The following CKAP2L variants were observed in gnomAD, a reference collection of about 807,000 sequenced individuals.
CKAP2L encodes cytoskeleton-associated protein 2-like.
A neutral mutation model predicts 65.7 loss-of-function variants in CKAP2L; 42 were observed. That is an observed-to-expected ratio of 0.64 (90% confidence interval 0.50 to 0.83). The LOEUF (loss-of-function observed/expected upper bound fraction) is 0.83. Ranked by LOEUF, CKAP2L falls within the 40% of genes least tolerant of loss-of-function variation. The probability of loss-of-function intolerance (pLI) is 0.00; values close to 1 mark genes in which losing one functional copy is unlikely to be tolerated. For missense variants in CKAP2L, 908 were observed against 871.0 expected, an observed-to-expected ratio of 1.04 and a Z score of -0.53; for synonymous variants, 325 against 313.5, an observed-to-expected ratio of 1.04 and a Z score of -0.39.
At chr2:112,758,892 C>T (rs1010249702) in intron 3 of CKAP2L, among the ~76,000 whole-genome samples, 1 of 152,132 alleles carries the variant, frequency 6.6e-6, no homozygotes, top group African/African-American at 2.4e-5. Context: ...GGCAGTCACT[C>T]CCCATTTTCT....
intron 2 of CKAP2L, among the ~76,000 whole-genome samples, chr2:112,761,711 G>C (rs1680729000): frequency 6.6e-6 from 1 of 152,158 alleles, no homozygotes; most frequent in African/African-American, 2.4e-5. Flanking sequence ...TTTGATGTTT[G>C]TCTCTCCCAT....
intron 2 of CKAP2L, among the ~76,000 whole-genome samples, chr2:112,762,241 A>G (rs985026258): frequency 2.6e-4 from 40 of 152,268 alleles, no homozygotes; most frequent in African/African-American, 9.6e-4. Flanking sequence ...CAAAGCTTCC[A>G]GCATGGTAGG....
At chr2:112,761,291 G>T (rs13382217) in intron 2 of CKAP2L, among the ~76,000 whole-genome samples, 90,302 of 151,298 alleles carry the variant, frequency 0.6, 29,301 homozygotes, top group African/African-American at 0.88. Context: ...AAACCCCATC[G>T]CTACTAAAAA....
chr2:112,764,590 C>G lies in CKAP2L; in HGVS notation c.9G>C (p.Gly3=). MV[G]PGPTAAAAVE... is the part of the protein sequence containing the mutation. ...CAGCGGCAGCAGCGGTAGGCCCGGGCCCCACCATGACTCTTCAGTGACAGT... is the reference window on the plus strand; with the variant it reads ...CAGCGGCAGCAGCGGTAGGCCCGGGGCCCACCATGACTCTTCAGTGACAGT... Residue 3 remains glycine (G), a synonymous_variant, in exon 1 of 9, where the codon GGG becomes GGC. Coordinates refer to ENST00000302450, the MANE Select transcript of CKAP2L (RefSeq NM_152515.5). 1.2e-6 allele frequency: 2 copies of G among 1,614,150 alleles called. No individual in the cohort carries two copies. Among genetic ancestry groups the G allele is most frequent in the South Asian group, 2.2e-5 (2 of 91,080 alleles).
chr2:112,746,349 T>G, intron 6 of CKAP2L, 71 bp downstream of exon 6: 2 of 1,331,402 alleles, frequency 1.5e-6, no homozygotes, highest in Non-Finnish European at 2.1e-6. Context: ...AACCATCATA[T>G]TACAAACAAC....
At chr2:112,750,269 T>C (rs957149427) in intron 5 of CKAP2L, among the ~76,000 whole-genome samples, 1 of 152,222 alleles carries the variant, frequency 6.6e-6, no homozygotes, top group Non-Finnish European at 1.5e-5. Flanking sequence ...GCACCCACAC[T>C]CCTTCTGATC....
At position 112,762,598 on chromosome 2, in the gene CKAP2L, A is replaced by G. The variant is rs190039300; in HGVS notation, c.38-29T>C. The G allele has an allele frequency of 1.4e-5, 22 of 1,575,426 alleles. No homozygotes were observed. In the South Asian group the frequency reaches 1.4e-4, roughly 10 times the overall value. On this transcript the variant is annotated intron_variant, in intron 1 of 8. Transcript: ENST00000302450. ...CAACACAGGCAAGCAAACAAACGAC[A>G]TAACTTTAGTTCAAGATTTTAACCA...
chr2:112,746,302 A>C, intron 6 of CKAP2L, 118 bp downstream of exon 6: 1 of 708,182 alleles, frequency 1.4e-6, no homozygotes, highest in South Asian at 3.6e-5. Context: ...GTAAGGTATG[A>C]CTTTATAAGT....
chr2:112,747,662 A>G (rs904014352), intron 5 of CKAP2L, among the ~76,000 whole-genome samples: 1 of 152,232 alleles, frequency 6.6e-6, no homozygotes, highest in African/African-American at 2.4e-5. Flanking sequence ...ATGCCCAGAA[A>G]TCCAGGTACT....
chr2:112,743,175 T>TA (rs1680076757), intron 6 of CKAP2L, among the ~76,000 whole-genome samples: 1 of 152,156 alleles, frequency 6.6e-6, no homozygotes, highest in African/African-American at 2.4e-5. Context: ...GACAGAGTCT[T>TA]ACTCTGTCCC....
At chr2:112,748,871 A>G (rs1680284939) in intron 5 of CKAP2L, among the ~76,000 whole-genome samples, 1 of 152,114 alleles carries the variant, frequency 6.6e-6, no homozygotes, top group Admixed American at 6.6e-5. Context: ...TCTCTTAAAA[A>G]AAAAAAAAAA....
chr2:112,751,158 T>C (rs1258248745), intron 5 of CKAP2L, among the ~76,000 whole-genome samples: 2 of 152,078 alleles, frequency 1.3e-5, no homozygotes, highest in African/African-American at 4.8e-5. Context: ...CTTCAAAAAA[T>C]AAAAATAATT....
intron 5 of CKAP2L, among the ~76,000 whole-genome samples, chr2:112,747,856 C>T (rs1026694847): frequency 5.9e-5 from 9 of 152,216 alleles, no homozygotes; most frequent in African/African-American, 2.2e-4. Flanking sequence ...CAGTCAATAT[C>T]TTCAGAGTGA....
At chr2:112,754,156 A>G (rs774244799) in intron 4 of CKAP2L, among the ~76,000 whole-genome samples, 2 of 152,202 alleles carry the variant, frequency 1.3e-5, no homozygotes, top group Non-Finnish European at 2.9e-5. Flanking sequence ...TGGTTGCAAC[A>G]CTATCACTAA....
chr2:112,752,901 G>T (rs1043266116), intron 4 of CKAP2L, among the ~76,000 whole-genome samples: 1 of 152,070 alleles, frequency 6.6e-6, no homozygotes, highest in Non-Finnish European at 1.5e-5. Flanking sequence ...ATAAGGTCTT[G>T]GTGTGTAAAC....
At chr2:112,746,188 T>C (rs527354803) in intron 6 of CKAP2L, among the ~76,000 whole-genome samples, 1 of 152,288 alleles carries the variant, frequency 6.6e-6, no homozygotes, top group South Asian at 2.1e-4. Flanking sequence ...ATATAGTTTT[T>C]TTTTCTAAAT....
intron 4 of CKAP2L, 36 bp downstream of exon 4, chr2:112,755,941 C>T (rs754481719): frequency 1.3e-6 from 2 of 1,519,918 alleles, no homozygotes; most frequent in African/African-American, 2.8e-5. Flanking sequence ...GCCTAATCAT[C>T]TTAAGTTGCA....
chr2:112,754,836 TTC>T (rs1680482484), intron 4 of CKAP2L, among the ~76,000 whole-genome samples: 3 of 152,360 alleles, frequency 2.0e-5, no homozygotes, highest in Middle Eastern at 3.4e-3. Context: ...CTGCACTCAC[TTC>T]TCTTTCTGCT....
rs727502805 is a variant in CKAP2L, at chr2:112,756,815, CTT to C, written c.554_555del (p.Lys185ArgfsTer11). 15 of 1,602,266 alleles carry C rather than the reference CTT, an allele frequency of 9.4e-6. No homozygotes were observed. Among genetic ancestry groups the C allele is most frequent in the Admixed American group, 1.8e-5 (1 of 56,804 alleles). ...TCTGTTAAGATATCGAGCAAGTTCT[CTT>C]TGTTTGTTTCTTTTAGAAAGTTATC... is the stretch of plus-strand genomic sequence containing the variant. ...SLDNFLKETNKENLLDILTEP... is the reference protein window; with the variant it reads ...SLDNFLKETNXENLLDILTEP... On this transcript the variant is annotated frameshift_variant, in exon 4 of 9. Coordinates refer to ENST00000302450, the MANE Select transcript of CKAP2L (RefSeq NM_152515.5). LOFTEE classifies it high-confidence loss of function.
Sources: gnomAD v4.1 joint callset for allele counts (sites outside exome capture counted in the v4.1 genomes callset) on GRCh38, gnomAD v4.1.1 for gene constraint, MANE v1.5 for transcripts, NCBI Gene and HGNC (gene_info 2026-07-23, HGNC 2026-07-21) for gene names.